SYN3: variants seen among roughly 807,000 people sequenced by gnomAD.
The protein encoded by SYN3 is synapsin III.
In SYN3, 35 loss-of-function variants were observed where a neutral mutation model predicts 65.8. That is an observed-to-expected ratio of 0.53 (90% CI 0.41 to 0.70). The LOEUF is 0.70. Among genes scored for constraint, SYN3 ranks in the 30% least tolerant of loss-of-function variants. The pLI is 0.00. For synonymous variants in SYN3, 270 were observed against 292.9 expected (o/e 0.92, Z 0.80); for missense variants, 680 against 749.0 (o/e 0.91, Z 1.08).
chr22:32,655,466 G>A (rs2060129556), intron 6 of SYN3, among the ~76,000 whole-genome samples: 3 of 152,180 alleles, frequency 2.0e-5, no homozygotes, highest in Non-Finnish European at 2.9e-5. Context: ...CGCACAGCAG[G>A]AGGTGAGCAG....
At chr22:32,972,263 A>C (rs1478060146) in intron 3 of SYN3, among the ~76,000 whole-genome samples, 2 of 152,234 alleles carry the variant, frequency 1.3e-5, no homozygotes, top group East Asian at 3.8e-4. Context: ...AAATTATGGA[A>C]AACAAATTAT....
chr22:32,867,006 C>T (rs922114745), intron 5 of SYN3, among the ~76,000 whole-genome samples: 2 of 152,168 alleles, frequency 1.3e-5, no homozygotes, highest in Non-Finnish European at 2.9e-5. Context: ...TTACTACCAC[C>T]ACTTTCCAAA....
chr22:32,980,998 G>C (rs1302984505), intron 2 of SYN3, among the ~76,000 whole-genome samples: 1 of 151,868 alleles, frequency 6.6e-6, no homozygotes, highest in Non-Finnish European at 1.5e-5. Flanking sequence ...GGGATTACAG[G>C]TGCCTGCCAT....
intron 7 of SYN3, among the ~76,000 whole-genome samples, chr22:32,548,301 C>A (rs2058363336): frequency 6.6e-6 from 1 of 152,216 alleles, no homozygotes; most frequent in Non-Finnish European, 1.5e-5. Flanking sequence ...GCCATCTGCC[C>A]ACCTTGGCCT....
chr22:32,966,458 CA>C (rs1214563839), intron 3 of SYN3, among the ~76,000 whole-genome samples: 6 of 152,066 alleles, frequency 3.9e-5, no homozygotes, highest in Non-Finnish European at 7.4e-5. Flanking sequence ...GAAAGGCAGG[CA>C]GGGGCAAGCT....
At chr22:32,711,051 C>A (rs1179262290) in intron 6 of SYN3, among the ~76,000 whole-genome samples, 1 of 152,186 alleles carries the variant, frequency 6.6e-6, no homozygotes, top group Non-Finnish European at 1.5e-5. Context: ...AGCTGTCCTA[C>A]CCACAGCTGT....
chr22:32,571,209 C>T (rs2058754192), intron 7 of SYN3, among the ~76,000 whole-genome samples: 1 of 152,006 alleles, frequency 6.6e-6, no homozygotes, highest in Non-Finnish European at 1.5e-5. Flanking sequence ...TTCCCCAGAG[C>T]ATCCCCCCTC....
chr22:32,711,640 T>C (rs2060967516), intron 6 of SYN3, among the ~76,000 whole-genome samples: 1 of 152,172 alleles, frequency 6.6e-6, no homozygotes, highest in Non-Finnish European at 1.5e-5. Flanking sequence ...CTATGCCTCT[T>C]CCTTCTTATC....
intron 6 of SYN3, among the ~76,000 whole-genome samples, chr22:32,721,091 T>C (rs1773294522): frequency 6.6e-6 from 1 of 152,204 alleles, no homozygotes; most frequent in African/African-American, 2.4e-5. Context: ...TGCTGTGAAA[T>C]GAAGTGCTCT....
intron 4 of SYN3, among the ~76,000 whole-genome samples, chr22:32,887,448 T>C (rs1455124981): frequency 6.6e-6 from 1 of 151,696 alleles, no homozygotes; most frequent in Non-Finnish European, 1.5e-5. Flanking sequence ...GCCCTTAATC[T>C]CACAGTCACA....
intron 6 of SYN3, among the ~76,000 whole-genome samples, chr22:32,765,474 C>G (rs2045598170): frequency 6.6e-6 from 1 of 152,050 alleles, no homozygotes; most frequent in Non-Finnish European, 1.5e-5. Context: ...GCTGAGGATT[C>G]CTGATAGGAC....
intron 7 of SYN3, among the ~76,000 whole-genome samples, chr22:32,577,479 G>A (rs1569056846): frequency 6.6e-6 from 1 of 152,116 alleles, no homozygotes; most frequent in Admixed American, 6.5e-5. Context: ...TCCTCACACT[G>A]TTGTGGTTGT....
chr22:32,977,003 G>GC lies in SYN3; in HGVS notation c.369+3641_369+3642insG, dbSNP rs1491021217. 4.0e-4 allele frequency among the ~76,000 whole-genome samples: 60 copies of GC among 151,644 alleles called. 1 individual carries two copies. The South Asian group carries it at 0.012, about 30-fold the overall frequency. On this transcript the variant is annotated intron_variant, in intron 3 of 13. Coordinates refer to ENST00000358763, the MANE Select transcript of SYN3 (RefSeq NM_003490.4). Reference sequence around the variant, plus strand: ...ATGCATGTGAGATTCCTGGGGGGGGGGTTGCTTGTGTGTTCCACCCATTGA... The same window carrying GC: ...ATGCATGTGAGATTCCTGGGGGGGGGCGTTGCTTGTGTGTTCCACCCATTGA...
rs182110654 is a variant in SYN3, at chr22:33,053,168, A to T, written c.-163+5124T>A. ...CCGGGCGCAGTGGCTCACACCTGTA[A>T]TCCCAACACTTTGGGAGGCCGAGGT... On this transcript the variant is annotated intron_variant, in intron 1 of 13. Coordinates refer to ENST00000358763, the MANE Select transcript of SYN3 (RefSeq NM_003490.4). 3.1e-4 allele frequency among the ~76,000 whole-genome samples: 47 copies of T among 152,308 alleles called. 1 individual carries two copies. The highest frequency in any genetic ancestry group is 1.1e-3 in the African/African-American group (47 of 41,568).
At chr22:32,670,843 G>A (rs2060350514) in intron 6 of SYN3, among the ~76,000 whole-genome samples, 1 of 152,254 alleles carries the variant, frequency 6.6e-6, no homozygotes, top group African/African-American at 2.4e-5. Context: ...CTGGAGTAAT[G>A]AGGTAAGTGT....
At chr22:32,553,912 G>A (rs1006886466) in intron 7 of SYN3, among the ~76,000 whole-genome samples, 11 of 152,158 alleles carry the variant, frequency 7.2e-5, no homozygotes, top group Non-Finnish European at 1.5e-4. Flanking sequence ...CTGGCTTTGA[G>A]CCACTTAAAA....
At chr22:32,541,484 C>A in intron 8 of SYN3, 87 bp downstream of exon 8, 7 of 1,536,712 alleles carry the variant, frequency 4.6e-6, no homozygotes, top group South Asian at 3.5e-5. Context: ...TAATGATGCA[C>A]CCTTGGGTGC....
chr22:32,577,664 C>T (rs755337474), intron 7 of SYN3, among the ~76,000 whole-genome samples: 3 of 152,234 alleles, frequency 2.0e-5, no homozygotes, highest in Non-Finnish European at 2.9e-5. Flanking sequence ...TCTTCCTCCA[C>T]CACCTGTCCT....
At chr22:33,039,661 C>T (rs1240888099) in intron 1 of SYN3, among the ~76,000 whole-genome samples, 1 of 152,146 alleles carries the variant, frequency 6.6e-6, no homozygotes, top group Non-Finnish European at 1.5e-5. Flanking sequence ...CCACCTTGAC[C>T]TCCCAAAATG....
Sources: allele counts gnomAD v4.1 joint callset (sites outside exome capture counted in the v4.1 genomes callset), GRCh38; gene constraint gnomAD v4.1.1; transcripts MANE v1.5; gene names NCBI Gene and HGNC (gene_info 2026-07-23, HGNC 2026-07-21).